CEP43: variants seen among roughly 807,000 people sequenced by gnomAD.
CEP43 encodes centrosomal protein 43.
A neutral mutation model predicts 52.6 loss-of-function variants in CEP43; 36 were observed. The ratio of observed to expected loss-of-function variants is 0.68; its 90% confidence interval spans 0.52 to 0.90. The LOEUF (loss-of-function observed/expected upper bound fraction) is 0.90. Among genes scored for constraint, CEP43 ranks in the 40% least tolerant of loss-of-function variants. The pLI, the probability that CEP43 is intolerant of heterozygous loss-of-function variation, is 0.00. For missense variants in CEP43, 506 were observed against 472.8 expected, an observed-to-expected ratio of 1.07 and a Z score of -0.65; for synonymous variants, 192 against 172.4, an observed-to-expected ratio of 1.11 and a Z score of -0.89.
At chr6:167,016,315 AGTGGT>A (rs1464188792) in intron 7 of CEP43, among the ~76,000 whole-genome samples, 1 of 152,212 alleles carries the variant, frequency 6.6e-6, no homozygotes, top group Admixed American at 6.5e-5. Flanking sequence ...GCTGGAGTGC[AGTGGT>A]GTGATCATGG....
At position 167,022,446 on chromosome 6, in the gene CEP43, T is replaced by A; in HGVS notation, c.617T>A (p.Val206Asp). The A allele has an allele frequency of 6.2e-7, 1 of 1,614,092 alleles. No individual in the cohort carries two copies. Among genetic ancestry groups the A allele is most frequent in the Non-Finnish European group, 8.5e-7 (1 of 1,179,974 alleles). Residue 206 changes from valine (V) to aspartate (D), a missense_variant, in exon 8 of 13, where the codon GTC becomes GAC. Physicochemically the swap from Val to Asp is radical, Grantham distance 152. Transcript: ENST00000366847. ...NDEANQSDTS[V>D]SLSEPKSKSS... is the part of the protein sequence containing the mutation. ...GAGGCCAATCAGAGTGATACAAGTG[T>A]CTCCTTGTCAGAACCCAAGAGCAAA...
rs547118016 is a variant in CEP43 at position 167,027,070 on chromosome 6, G to A, written c.988+455G>A. ...TCAGACTGAGAAAAATTTGGGCAGA[G>A]GCAGAGCCATTTGCTAGATGCTGGT... On this transcript the variant is annotated intron_variant, in intron 10 of 12. Transcript: ENST00000366847. 9.2e-5 allele frequency among the ~76,000 whole-genome samples: 14 copies of A among 152,332 alleles called. 1 individual carries two copies. In the South Asian group the frequency reaches 1.4e-3, roughly 16 times the overall value.
intron 10 of CEP43, chr6:167,028,289 C>G: frequency 3.0e-6 from 3 of 985,372 alleles, no homozygotes; most frequent in Non-Finnish European, 3.6e-6. Flanking sequence ...TTGTCATCCT[C>G]AGGAGGGAAT....
At chr6:167,037,557 T>C (rs1780608480) in intron 12 of CEP43, among the ~76,000 whole-genome samples, 1 of 152,250 alleles carries the variant, frequency 6.6e-6, no homozygotes, top group Non-Finnish European at 1.5e-5. Context: ...TAATTTTCTT[T>C]GTGAGATAGT....
At chr6:167,027,129 A>G (rs1780372993) in intron 10 of CEP43, among the ~76,000 whole-genome samples, 1 of 152,228 alleles carries the variant, frequency 6.6e-6, no homozygotes, top group Non-Finnish European at 1.5e-5. Flanking sequence ...AATTCAGTCT[A>G]GTGGGGAAAC....
intron 7 of CEP43, among the ~76,000 whole-genome samples, chr6:167,015,437 A>T (rs1780073509): frequency 6.6e-6 from 1 of 152,280 alleles, no homozygotes; most frequent in East Asian, 1.9e-4. Context: ...CATTCTCAAC[A>T]TCTTCATCAT....
rs775175176 is a variant in CEP43, at chr6:167,022,394, T to C, written c.580-15T>C. On this transcript the variant is annotated splice_polypyrimidine_tract_variant and intron_variant, in intron 7 of 12. Coordinates refer to ENST00000366847, the MANE Select transcript of CEP43 (RefSeq NM_007045.4). ...TCTCACCAAGGAGGCCTTTTCTCTTTCCCTCTCTTTCTAGAAGGCCAATGA... is the reference window on the plus strand; with the variant it reads ...TCTCACCAAGGAGGCCTTTTCTCTTCCCCTCTCTTTCTAGAAGGCCAATGA... 4 of 1,582,342 alleles carry C rather than the reference T, an allele frequency of 2.5e-6. No homozygotes were observed. In the Admixed American group the frequency reaches 6.8e-5, roughly 27 times the overall value.
At chr6:167,019,130 G>GT (rs984672864) in intron 7 of CEP43, among the ~76,000 whole-genome samples, 17 of 152,286 alleles carry the variant, frequency 1.1e-4, no homozygotes, top group African/African-American at 2.6e-4. Flanking sequence ...TGGATATTGT[G>GT]TTTTTGCACC....
Position 167,042,277 on chromosome 6 carries a change from A to C in CEP43, c.*2299A>C. 9.9e-7 allele frequency: 1 copy of C among 1,005,432 alleles called. No individual in the cohort carries two copies. The highest frequency in any genetic ancestry group is 1.2e-6 in the Non-Finnish European group (1 of 840,544). 62.3% of individuals were successfully genotyped at this position (1,005,432 alleles called of 1,614,324 possible). On this transcript the variant is annotated 3_prime_UTR_variant, in exon 13 of 13. Coordinates refer to ENST00000366847, the MANE Select transcript of CEP43 (RefSeq NM_007045.4). ...ATGTGATGAGTGTTTTCTGTTAAAA[A>C]ATAAATATTGAAATATTAACCCATT...
chr6:167,030,689 T>C (rs1780449178), intron 10 of CEP43, among the ~76,000 whole-genome samples: 1 of 152,224 alleles, frequency 6.6e-6, no homozygotes, highest in Admixed American at 6.5e-5. Context: ...CCCAAGCCTT[T>C]TACCCCTGTT....
chr6:167,010,950 CT>C, intron 6 of CEP43, 57 bp downstream of exon 6: 2 of 954,070 alleles, frequency 2.1e-6, no homozygotes, highest in South Asian at 1.7e-5. Flanking sequence ...GAGTGCTCTG[CT>C]TTTCTCTCTC....
At position 167,048,507 on chromosome 6, in the gene CEP43, C is replaced by G. The variant is rs906624877; in HGVS notation, c.*8529C>G. ...AGTGAACTGAGATTGCATCACTGCA[C>G]TACAGCCTGGGTGACAGAGTAAGAC... On this transcript the variant is annotated 3_prime_UTR_variant, in exon 13 of 13. Coordinates refer to ENST00000366847, the MANE Select transcript of CEP43 (RefSeq NM_007045.4). The G allele has an allele frequency of 1.3e-5, 2 of 152,162 alleles. No individual in the cohort carries two copies. The highest frequency in any genetic ancestry group is 4.8e-5 in the African/African-American group (2 of 41,416). 9.4% of individuals were successfully genotyped at this position (152,162 alleles called of 1,614,324 possible).
At chr6:167,019,839 G>A (rs1445473194) in intron 7 of CEP43, among the ~76,000 whole-genome samples, 3 of 152,034 alleles carry the variant, frequency 2.0e-5, no homozygotes, top group African/African-American at 4.8e-5. Context: ...TACATTGGCA[G>A]TGTGAATTCT....
At chr6:167,039,659 G>A (rs1780653491) in intron 12 of CEP43, among the ~76,000 whole-genome samples, 1 of 152,210 alleles carries the variant, frequency 6.6e-6, no homozygotes, top group South Asian at 2.1e-4. Context: ...TCTACTTTTA[G>A]TTCTTTAAGG....
chr6:167,004,820 T>C (rs1779815880), intron 5 of CEP43, among the ~76,000 whole-genome samples: 1 of 152,200 alleles, frequency 6.6e-6, no homozygotes, highest in Non-Finnish European at 1.5e-5. Context: ...TATTTAAATA[T>C]AAAAGGGCTG....
Position 167,022,391 on chromosome 6 carries a change from C to G in CEP43, c.580-18C>G. 5 of 1,574,230 alleles carry G rather than the reference C, an allele frequency of 3.2e-6. No individual in the cohort carries two copies. Among genetic ancestry groups the G allele is most frequent in the Non-Finnish European group, 4.4e-6 (5 of 1,148,468 alleles). On this transcript the variant is annotated intron_variant, in intron 7 of 12. Coordinates refer to ENST00000366847, the MANE Select transcript of CEP43 (RefSeq NM_007045.4). ...TTATCTCACCAAGGAGGCCTTTTCTCTTTCCCTCTCTTTCTAGAAGGCCAA... is the reference window on the plus strand; with the variant it reads ...TTATCTCACCAAGGAGGCCTTTTCTGTTTCCCTCTCTTTCTAGAAGGCCAA...
At chr6:167,037,304 C>T (rs562664447) in intron 12 of CEP43, among the ~76,000 whole-genome samples, 1 of 152,142 alleles carries the variant, frequency 6.6e-6, no homozygotes, top group Non-Finnish European at 1.5e-5. Context: ...TTTCAGTCCA[C>T]GATTTTTCCT....
intron 12 of CEP43, among the ~76,000 whole-genome samples, chr6:167,039,078 A>C (rs977399424): frequency 4.6e-5 from 7 of 151,828 alleles, no homozygotes; most frequent in Non-Finnish European, 8.8e-5. Context: ...GAGTTACTTC[A>C]CTTAGAATAA....
intron 6 of CEP43, among the ~76,000 whole-genome samples, chr6:167,013,193 A>G (rs9457250): frequency 0.04 from 6,161 of 152,236 alleles, 162 homozygotes; most frequent in Middle Eastern, 0.065. Flanking sequence ...TTGCCTAGGA[A>G]CTCAAGTGAG....
Sources: allele counts gnomAD v4.1 joint callset (sites outside exome capture counted in the v4.1 genomes callset), GRCh38; gene constraint gnomAD v4.1.1; transcripts MANE v1.5; gene names NCBI Gene and HGNC (gene_info 2026-07-23, HGNC 2026-07-21).